SLC22A25: variants seen among roughly 807,000 people sequenced by gnomAD.
SLC22A25 encodes MGI:2442751, MGI:2385316, MGI:3042283, MGI:3645714, MGI:3605624, MGI:2442750.
In SLC22A25, 44 loss-of-function variants were observed where a neutral mutation model predicts 45.9. The ratio of observed to expected loss-of-function variants is 0.96; its 90% confidence interval spans 0.75 to 1.23. The LOEUF (loss-of-function observed/expected upper bound fraction) is 1.23, where lower values mean the gene tolerates loss of function less well. Among genes scored for constraint, SLC22A25 ranks in the 50% most tolerant of loss-of-function variants. SLC22A25 has a pLI of 0.00. For synonymous variants in SLC22A25, 283 were observed against 238.6 expected, an observed-to-expected ratio of 1.19 and a Z score of -1.72; for missense variants, 800 against 666.4, an observed-to-expected ratio of 1.20 and a Z score of -2.21.
At chr11:63,212,097 G>C (rs1406196470) in intron 7 of SLC22A25, among the ~76,000 whole-genome samples, 1 of 152,148 alleles carries the variant, frequency 6.6e-6, no homozygotes, top group African/African-American at 2.4e-5. Flanking sequence ...TCAGAGAAAT[G>C]CAAATCAAAA....
In SLC22A25 at chr11:63,163,987, C is replaced by G. The variant is rs775834936; in HGVS notation, c.1481G>C (p.Arg494Pro). 2.5e-5 allele frequency: 41 copies of G among 1,613,604 alleles called. No homozygotes were observed. Among genetic ancestry groups the G allele is most frequent in the Non-Finnish European group, 3.4e-5 (40 of 1,179,844 alleles). Residue 494 changes from arginine to proline, a missense_variant, in exon 12 of 12, where the codon CGA (arginine) becomes CCA (proline). Transcript: ENST00000306494. The stretch of plus-strand genomic sequence containing the variant: ...TCCATAGATGATCCAGGGCAGGGGT[C>G]GAGAATATATGCTTAGGATCATCAT... ...SLMMILSIYS[R>P]PLPWIIYGVF...
chr11:63,217,325 A>T lies in SLC22A25; in HGVS notation c.819T>A (p.Phe273Leu). ...TGCAAGCTCAATACCTTGAGAACAG[A>T]AAGAAGACAAAGCATGGTGCAGACA... Reference protein sequence around the residue: ...LVMSAPCFVFFLFSRWLAESA... With the variant: ...LVMSAPCFVFLLFSRWLAESA... Residue 273 changes from phenylalanine to leucine, a missense_variant, in exon 7 of 12, where the codon TTT becomes TTA. Physicochemically the swap from Phe to Leu is conservative, Grantham distance 22. Transcript: ENST00000306494. The T allele has an allele frequency of 6.2e-7, 1 of 1,613,634 alleles. No individual in the cohort carries two copies. Among genetic ancestry groups the T allele is most frequent in the South Asian group, 1.1e-5 (1 of 91,008 alleles).
At chr11:63,217,937 A>G in intron 5 of SLC22A25, 1 of 678,438 alleles carries the variant, frequency 1.5e-6, no homozygotes, top group South Asian at 1.9e-5. Flanking sequence ...TGAGTGTATA[A>G]AAGTTTCTTC....
At chr11:63,228,625 A>G in intron 4 of SLC22A25, 61 bp from the exon 5 acceptor site, 1 of 1,240,736 alleles carries the variant, frequency 8.1e-7, no homozygotes, top group Non-Finnish European at 1.1e-6. Flanking sequence ...CCTTATCAAA[A>G]TGTCTTAAAA....
intron 5 of SLC22A25, among the ~76,000 whole-genome samples, chr11:63,224,246 G>A (rs7938146): frequency 0.37 from 55,784 of 151,814 alleles, 10,552 homozygotes; most frequent in East Asian, 0.57. Context: ...TCATATAAGC[G>A]TAGCTAATCT....
chr11:63,188,897 T>C (rs2088676968), intron 7 of SLC22A25, among the ~76,000 whole-genome samples: 1 of 152,238 alleles, frequency 6.6e-6, no homozygotes, highest in Non-Finnish European at 1.5e-5. Context: ...TTGATTGCAC[T>C]GTGGTCTGAG....
intron 3 of SLC22A25, among the ~76,000 whole-genome samples, chr11:63,231,866 C>G (rs977916268): frequency 6.6e-6 from 1 of 152,152 alleles, no homozygotes; most frequent in African/African-American, 2.4e-5. Flanking sequence ...GCCAGTTTTC[C>G]CAGCACCATT....
At chr11:63,224,311 C>A (rs192732308) in intron 5 of SLC22A25, among the ~76,000 whole-genome samples, 1 of 151,988 alleles carries the variant, frequency 6.6e-6, no homozygotes, top group East Asian at 1.9e-4. Flanking sequence ...CCTTTATTTT[C>A]AGTCTATGTG....
At chr11:63,220,138 T>TTACA in intron 5 of SLC22A25, 4 of 624,356 alleles carry the variant, frequency 6.4e-6, no homozygotes, top group Non-Finnish European at 9.8e-6. Flanking sequence ...GAGGTTGTAA[T>TTACA]ACCTCTAAAA....
At chr11:63,196,259 C>G (rs1228196050) in intron 7 of SLC22A25, among the ~76,000 whole-genome samples, 1 of 152,098 alleles carries the variant, frequency 6.6e-6, no homozygotes, top group Admixed American at 6.6e-5. Flanking sequence ...TTTATGAGGC[C>G]AGCATAATCC....
chr11:63,242,659 A>G (rs1190866695), intron 1 of SLC22A25, among the ~76,000 whole-genome samples: 3 of 152,150 alleles, frequency 2.0e-5, no homozygotes, highest in Non-Finnish European at 1.5e-5. Context: ...TCCTTTGGCA[A>G]CACCCTCACA....
At chr11:63,179,404 A>G (rs1385653657) in intron 9 of SLC22A25, among the ~76,000 whole-genome samples, 2 of 152,056 alleles carry the variant, frequency 1.3e-5, no homozygotes, top group African/African-American at 2.4e-5. Flanking sequence ...GTCTTCCCAG[A>G]CTGGCTTTTA....
chr11:63,173,784 A>T (rs1297016197), intron 9 of SLC22A25, among the ~76,000 whole-genome samples: 1 of 151,978 alleles, frequency 6.6e-6, no homozygotes, highest in Admixed American at 6.6e-5. Flanking sequence ...GGTGATCCTT[A>T]CCCAGGATCT....
chr11:63,237,162 T>G (rs953352213), intron 3 of SLC22A25, among the ~76,000 whole-genome samples: 1 of 151,910 alleles, frequency 6.6e-6, no homozygotes, highest in African/African-American at 2.4e-5. Context: ...GACATAAACA[T>G]GGGAACAATA....
chr11:63,216,749 A>G (rs1252086098), intron 7 of SLC22A25, among the ~76,000 whole-genome samples: 1 of 152,202 alleles, frequency 6.6e-6, no homozygotes, highest in East Asian at 1.9e-4. Flanking sequence ...TAATCTGTAC[A>G]ACGAATCCTC....
rs753431743 is a variant in SLC22A25 at position 63,160,957 on chromosome 11, G to A, written c.*2867C>T. 6.6e-5 allele frequency among the ~76,000 whole-genome samples: 10 copies of A among 152,150 alleles called. No individual in the cohort carries two copies. The highest frequency in any genetic ancestry group is 1.5e-4 in the Non-Finnish European group (10 of 68,012). ...GTTCCTCAAAAAAATTAAAAGTAAA[G>A]CTAACATTTGACCCAACAGTTCCAC... On this transcript the variant is annotated 3_prime_UTR_variant, in exon 12 of 12. Transcript: ENST00000306494.
At chr11:63,181,965 G>A (rs370450664) in intron 8 of SLC22A25, among the ~76,000 whole-genome samples, 10 of 151,996 alleles carry the variant, frequency 6.6e-5, no homozygotes, top group African/African-American at 9.7e-5. Context: ...TGAATGTTAC[G>A]TACTGAACTC....
intron 7 of SLC22A25, among the ~76,000 whole-genome samples, chr11:63,193,811 C>CT (rs1357739728): frequency 6.6e-6 from 1 of 152,176 alleles, no homozygotes; most frequent in African/African-American, 2.4e-5. Flanking sequence ...ACGGAGGTGA[C>CT]TTTGATGAGT....
chr11:63,238,735 A>G lies in SLC22A25; in HGVS notation c.-595T>C, dbSNP rs1403977200. On this transcript the variant is annotated 5_prime_UTR_variant, in exon 2 of 12. Transcript: ENST00000306494. ...CTCTTACCCAGTCACGATGGTGGAG[A>G]GGAAGGAGCTTCTGTTGTACACCCT... 1.4e-5 allele frequency: 3 copies of G among 206,916 alleles called. No individual in the cohort carries two copies. Among genetic ancestry groups the G allele is most frequent in the Non-Finnish European group, 3.3e-5 (3 of 91,838 alleles). The allele number at this position is 206,916 out of a possible 1,614,324, so 12.8% of individuals were successfully genotyped here. A position where few individuals can be genotyped will look rare whatever the true frequency, so the allele number is the denominator to read the frequency against.
Sources: allele counts gnomAD v4.1 joint callset (sites outside exome capture counted in the v4.1 genomes callset), GRCh38; gene constraint gnomAD v4.1.1; transcripts MANE v1.5; gene names NCBI Gene and HGNC (gene_info 2026-07-23, HGNC 2026-07-21).